Variants in GLI3 observed in about 807,000 individuals in gnomAD.
GLI3 encodes transcription activator GLI3.
In GLI3, 20 loss-of-function variants were observed where a neutral mutation model predicts 100.8. The observed-to-expected ratio is 0.20, with a 90% CI of 0.14 to 0.29. The LOEUF (loss-of-function observed/expected upper bound fraction) is 0.29, where lower values mean the gene tolerates loss of function less well. GLI3 is among the 10% of genes least tolerant of loss of function. The probability of loss-of-function intolerance (pLI) is 1.00; values close to 1 mark genes in which losing one functional copy is unlikely to be tolerated. For missense variants in GLI3, 2,040 were observed against 2,128.5 expected (o/e 0.96, Z 0.82); for synonymous variants, 938 against 860.5 (o/e 1.09, Z -1.58).
At chr7:42,038,417 A>G (rs1257073017) in intron 7 of GLI3, among the ~76,000 whole-genome samples, 1 of 152,214 alleles carries the variant, frequency 6.6e-6, no homozygotes, top group Non-Finnish European at 1.5e-5. Flanking sequence ...TTCTTCCTGT[A>G]TAGAGGGTGT....
Position 41,962,931 on chromosome 7 carries a change from A to G in GLI3, c.*1399T>C, listed in dbSNP as rs1160002644. 6.6e-6 allele frequency: 1 copy of G among 152,220 alleles called. No individual in the cohort carries two copies. 9.4% of individuals were successfully genotyped at this position (152,220 alleles called of 1,614,324 possible). On this transcript the variant is annotated 3_prime_UTR_variant, in exon 15 of 15. Transcript: ENST00000395925. ...GAAAATCCATGTACTCTTTGTGCAC[A>G]CACAGTATGACTTTTATGTGTATCA... is the stretch of plus-strand genomic sequence containing the variant.
chr7:41,994,660 T>G (rs1358808536), intron 10 of GLI3, among the ~76,000 whole-genome samples: 1 of 152,244 alleles, frequency 6.6e-6, no homozygotes. Context: ...TCTGCAATTT[T>G]GTTTTCTTGC....
chr7:42,217,381 G>A (rs1788399023), intron 2 of GLI3, among the ~76,000 whole-genome samples: 1 of 152,026 alleles, frequency 6.6e-6, no homozygotes, highest in South Asian at 2.1e-4. Flanking sequence ...AGAGAGTCGG[G>A]GCTCTTATTA....
intron 10 of GLI3, among the ~76,000 whole-genome samples, chr7:42,009,630 A>T (rs1219083683): frequency 1.3e-5 from 2 of 152,042 alleles, no homozygotes; most frequent in Non-Finnish European, 2.9e-5. Context: ...TCAGCTGGGC[A>T]CGCATGCTTC....
intron 10 of GLI3, among the ~76,000 whole-genome samples, chr7:42,016,703 C>T (rs999385149): frequency 3.3e-5 from 5 of 151,714 alleles, no homozygotes; most frequent in South Asian, 2.1e-4. Context: ...ATCATCACCA[C>T]CATCATCATC....
chr7:42,232,575 G>C (rs1489129065), intron 1 of GLI3, among the ~76,000 whole-genome samples: 1 of 152,198 alleles, frequency 6.6e-6, no homozygotes, highest in African/African-American at 2.4e-5. Flanking sequence ...TTCATTCATT[G>C]AATAACCTTT....
intron 2 of GLI3, among the ~76,000 whole-genome samples, chr7:42,190,308 C>G (rs954952577): frequency 7.2e-5 from 11 of 152,068 alleles, no homozygotes; most frequent in Admixed American, 3.3e-4. Context: ...ACACAACAAA[C>G]TAAAACACCA....
At chr7:42,143,474 A>C (rs1193554002) in intron 3 of GLI3, among the ~76,000 whole-genome samples, 2 of 152,210 alleles carry the variant, frequency 1.3e-5, no homozygotes, top group Admixed American at 6.5e-5. Context: ...TACCTATTAA[A>C]TATGTAAAAT....
At chr7:42,245,305 A>C (rs955245612) in intron 1 of GLI3, among the ~76,000 whole-genome samples, 6 of 152,256 alleles carry the variant, frequency 3.9e-5, no homozygotes, top group African/African-American at 1.4e-4. Flanking sequence ...AATCACAGTA[A>C]ATTTTACTTT....
At chr7:42,073,315 A>T (rs569784872) in intron 4 of GLI3, among the ~76,000 whole-genome samples, 1 of 152,330 alleles carries the variant, frequency 6.6e-6, no homozygotes, top group South Asian at 2.1e-4. Flanking sequence ...TCCGTTTAGC[A>T]AACTGGGTTC....
chr7:41,987,459 G>A (rs182844024), intron 10 of GLI3, among the ~76,000 whole-genome samples: 18 of 152,278 alleles, frequency 1.2e-4, no homozygotes, highest in African/African-American at 3.6e-4. Flanking sequence ...GAGCCACTGC[G>A]CCCGGCTGTG....
intron 3 of GLI3, among the ~76,000 whole-genome samples, chr7:42,127,327 G>A (rs1236564154): frequency 6.6e-6 from 1 of 152,188 alleles, no homozygotes; most frequent in Non-Finnish European, 1.5e-5. Context: ...ACATTTTTCA[G>A]AGATGCATGA....
intron 7 of GLI3, among the ~76,000 whole-genome samples, chr7:42,034,710 G>A (rs1454115972): frequency 1.3e-5 from 2 of 152,054 alleles, no homozygotes; most frequent in Non-Finnish European, 2.9e-5. Flanking sequence ...TGGCCAATCC[G>A]CTGAATTAGG....
Position 42,148,457 on chromosome 7 carries a change from G to T in GLI3, c.136C>A (p.Pro46Thr). 1 of 1,613,698 alleles carries T rather than the reference G, an allele frequency of 6.2e-7. No homozygotes were observed. The highest frequency in any genetic ancestry group is 8.5e-7 in the Non-Finnish European group (1 of 1,179,652). ...SSTTSNEDESPGQTYHRERRN... is the reference protein window; with the variant it reads ...SSTTSNEDESTGQTYHRERRN... Reference sequence around the variant, plus strand: ...CTCTCTCTGTGATAAGTCTGTCCAGGACTTTCATCCTCTAAAGAAAGAAGA... The same window carrying T: ...CTCTCTCTGTGATAAGTCTGTCCAGTACTTTCATCCTCTAAAGAAAGAAGA... Residue 46 changes from proline to threonine, a missense_variant, in exon 3 of 15, where the codon CCT (proline) becomes ACT (threonine). Pro to Thr is a conservative substitution (Grantham distance 38). Coordinates refer to ENST00000395925, the MANE Select transcript of GLI3 (RefSeq NM_000168.6).
At chr7:42,073,308 G>A (rs1784818891) in intron 4 of GLI3, among the ~76,000 whole-genome samples, 1 of 152,120 alleles carries the variant, frequency 6.6e-6, no homozygotes, top group Non-Finnish European at 1.5e-5. Context: ...AAGGCATTCC[G>A]TTTAGCAAAC....
At chr7:42,115,109 T>C (rs1355478721) in intron 3 of GLI3, among the ~76,000 whole-genome samples, 1 of 151,382 alleles carries the variant, frequency 6.6e-6, no homozygotes, top group African/African-American at 2.4e-5. Flanking sequence ...CTTTTTCTTG[T>C]GTTGGCCCCA....
intron 3 of GLI3, among the ~76,000 whole-genome samples, chr7:42,090,406 G>A (rs902233703): frequency 2.0e-5 from 3 of 152,190 alleles, no homozygotes; most frequent in African/African-American, 7.2e-5. Flanking sequence ...TGGGACCACT[G>A]TCTTACATGT....
At chr7:42,075,372 T>C (rs6463087) in intron 4 of GLI3, among the ~76,000 whole-genome samples, 15,810 of 152,174 alleles carry the variant, frequency 0.1, 1,854 homozygotes, top group African/African-American at 0.29. Context: ...ATCTGGCCCT[T>C]GCATGCTCTG....
rs191167587 is a variant in GLI3, at chr7:42,134,115, C to T, written c.367+14111G>A. Among the ~76,000 whole-genome samples, 98 of 151,346 alleles carry T rather than the reference C, an allele frequency of 6.5e-4. 1 individual carries two copies. Among genetic ancestry groups the T allele is most frequent in the African/African-American group, 2.3e-3 (95 of 41,342 alleles). ...AAAAAAGAAAAAAAAATCCTATTGGCATACATTTCCAAAAAGGAACTCTAA... is the reference window on the plus strand; with the variant it reads ...AAAAAAGAAAAAAAAATCCTATTGGTATACATTTCCAAAAAGGAACTCTAA... On this transcript the variant is annotated intron_variant, in intron 3 of 14. Transcript: ENST00000395925.
Sources: gnomAD v4.1 joint callset for allele counts (sites outside exome capture counted in the v4.1 genomes callset) on GRCh38, gnomAD v4.1.1 for gene constraint, MANE v1.5 for transcripts, NCBI Gene and HGNC (gene_info 2026-07-23, HGNC 2026-07-21) for gene names.